Variants in GFUS observed in about 807,000 individuals in gnomAD.
GFUS encodes the protein GDP-L-fucose synthase, also known as 3-5 epimerase/4-reductase.
Under a neutral mutation model 41.5 loss-of-function variants are expected in GFUS, and 42 were observed. The ratio of observed to expected loss-of-function variants is 1.01; its 90% confidence interval spans 0.79 to 1.31. The LOEUF (loss-of-function observed/expected upper bound fraction) is 1.31. Among genes scored for constraint, GFUS ranks in the 50% most tolerant of loss-of-function variants. The pLI is 0.00. For missense variants in GFUS, 437 were observed against 428.7 expected (o/e 1.02, Z -0.17); for synonymous variants, 188 against 173.4 (o/e 1.08, Z -0.66).
intron 1 of GFUS, 92 bp from the exon 2 acceptor site, chr8:143,616,815 T>G: frequency 6.7e-7 from 1 of 1,501,496 alleles, no homozygotes; most frequent in Non-Finnish European, 9.1e-7. Context: ...AGTGAGGCCC[T>G]CAGAGTGGGG....
chr8:143,614,042 G>T, intron 7 of GFUS, 122 bp downstream of exon 7: 1 of 1,391,770 alleles, frequency 7.2e-7, no homozygotes, highest in Non-Finnish European at 9.8e-7. Flanking sequence ...TTGGAGCTCA[G>T]CCCAGATTCT....
Position 143,613,209 on chromosome 8 carries a change from T to C in GFUS, c.897A>G (p.Thr299=). The stretch of plus-strand genomic sequence containing the variant: ...GTCAGGGCTCACCCTGCTTGAAGGG[T>C]GTGAACCGGAAGTCGGGCAGGTAGG... ...LRTYLPDFRF[T]PFKQAVKETC... is the part of the protein sequence containing the mutation. Residue 299 remains threonine, a synonymous_variant, in exon 10 of 11, where the codon ACA becomes ACG. Transcript: ENST00000425753. The C allele has an allele frequency of 6.2e-7, 1 of 1,613,788 alleles. No homozygotes were observed. Among genetic ancestry groups the C allele is most frequent in the Non-Finnish European group, 8.5e-7 (1 of 1,179,890 alleles).
Position 143,613,247 on chromosome 8 carries a change from T to C in GFUS, c.859A>G (p.Ser287Gly). Residue 287 changes from serine to glycine, a missense_variant, in exon 10 of 11, where the codon AGC becomes GGC. Transcript: ENST00000425753. ...DGQFKKTASN[S>G]KLRTYLPDFR... Reference sequence around the variant, plus strand: ...TCGGGCAGGTAGGTCCTCAGCTTGCTGTTACTGGCTGTCTTCTTAAACTGC... The same window carrying C: ...TCGGGCAGGTAGGTCCTCAGCTTGCCGTTACTGGCTGTCTTCTTAAACTGC... 2 of 1,614,096 alleles carry C rather than the reference T, an allele frequency of 1.2e-6. No individual in the cohort carries two copies. The highest frequency in any genetic ancestry group is 1.1e-5 in the South Asian group (1 of 91,086).
Position 143,612,815 on chromosome 8 carries a change from G to A in GFUS, c.*95C>T. 6.9e-7 allele frequency: 1 copy of A among 1,456,112 alleles called. No individual in the cohort carries two copies. The highest frequency in any genetic ancestry group is 9.3e-7 in the Non-Finnish European group (1 of 1,073,112). 90.2% of individuals were successfully genotyped at this position (1,456,112 alleles called of 1,614,324 possible). A position where few individuals can be genotyped will look rare whatever the true frequency, so the allele number is the denominator to read the frequency against. ...GGATGGAATGCAGGCCCAGGTTGCT[G>A]GGTGGTGCCCTCAGCTCCTGGCAGG... On this transcript the variant is annotated 3_prime_UTR_variant, in exon 11 of 11. Coordinates refer to ENST00000425753, the MANE Select transcript of GFUS (RefSeq NM_003313.4).
At chr8:143,614,030 T>C (rs1829650827) in intron 7 of GFUS, 134 bp downstream of exon 7, 1 of 1,308,018 alleles carries the variant, frequency 7.6e-7, no homozygotes. Context: ...AGATGGCTCC[T>C]CTTGGAGCTC....
In GFUS at chr8:143,614,776, C is replaced by T; in HGVS notation, c.390+11G>A. 1.2e-6 allele frequency: 2 copies of T among 1,613,548 alleles called. No homozygotes were observed. The highest frequency in any genetic ancestry group is 2.2e-5 in the South Asian group (2 of 91,088). The stretch of plus-strand genomic sequence containing the variant: ...CCCCGGCCCCACCCACAGCCAGGCC[C>T]TGCCCCTCACCATGGTCTCATCTAT... On this transcript the variant is annotated intron_variant, in intron 4 of 10. Transcript: ENST00000425753.
At position 143,612,775 on chromosome 8, in the gene GFUS, T is replaced by C. The variant is rs1270598999; in HGVS notation, c.*135A>G. ...AATGGGGGCCCCACTGGAAAGATGCTTGGGGCTGCAGAGCGGATGGAATGC... is the reference window on the plus strand; with the variant it reads ...AATGGGGGCCCCACTGGAAAGATGCCTGGGGCTGCAGAGCGGATGGAATGC... On this transcript the variant is annotated 3_prime_UTR_variant, in exon 11 of 11. Coordinates refer to ENST00000425753, the MANE Select transcript of GFUS (RefSeq NM_003313.4). 4 of 1,138,886 alleles carry C rather than the reference T, an allele frequency of 3.5e-6. No individual in the cohort carries two copies. Among genetic ancestry groups the C allele is most frequent in the Non-Finnish European group, 3.7e-6 (3 of 802,148 alleles). The allele number at this position is 1,138,886 out of a possible 1,614,324, so 70.5% of individuals were successfully genotyped here.
At chr8:143,617,732 T>C (rs1016343173), upstream of GFUS, among the ~76,000 whole-genome samples, 1 of 151,740 alleles carries the variant, frequency 6.6e-6, no homozygotes, top group Non-Finnish European at 1.5e-5. Context: ...GCAACCTCTT[T>C]AGCCCGCGGG....
chr8:143,616,517 T>G lies in GFUS; in HGVS notation c.146+50A>C, dbSNP rs1563688462. 1.9e-6 allele frequency: 3 copies of G among 1,611,856 alleles called. No individual in the cohort carries two copies. In the East Asian group the frequency reaches 6.7e-5, roughly 36 times the overall value. ...CAGCCTGGAACTCTTAGTTCTAGGGTGGGGGGTAGGATGGAGAGGAAGGGC... is the reference window on the plus strand; with the variant it reads ...CAGCCTGGAACTCTTAGTTCTAGGGGGGGGGGTAGGATGGAGAGGAAGGGC... On this transcript the variant is annotated intron_variant, in intron 2 of 10. Transcript: ENST00000425753.
At chr8:143,614,975 C>T (rs1292989213) in intron 3 of GFUS, 60 bp from the exon 4 acceptor site, 1 of 1,542,606 alleles carries the variant, frequency 6.5e-7, no homozygotes, top group East Asian at 2.3e-5. Context: ...CCCTTACCTG[C>T]TCCTCCAGAC....
chr8:143,615,031 A>T, intron 3 of GFUS, 116 bp from the exon 4 acceptor site: 2 of 1,456,060 alleles, frequency 1.4e-6, no homozygotes, highest in South Asian at 2.8e-5. Context: ...GGGAGGACCC[A>T]AGCCTGCCCA....
chr8:143,614,725 C>T lies in GFUS; in HGVS notation c.391-28G>A, dbSNP rs1455562875. On this transcript the variant is annotated intron_variant, in intron 4 of 10. Transcript: ENST00000425753. ...GCGGGCGTGGGAGAGGCAGAGGCCGCTACTTCCTGGCCCTGCCCACCGGCT... is the reference window on the plus strand; with the variant it reads ...GCGGGCGTGGGAGAGGCAGAGGCCGTTACTTCCTGGCCCTGCCCACCGGCT... 6.2e-6 allele frequency: 10 copies of T among 1,613,008 alleles called. No individual in the cohort carries two copies. The African/African-American group carries it at 1.3e-4, about 22-fold the overall frequency.
At chr8:143,614,276 C>T (rs1483839511) in intron 6 of GFUS, 44 bp downstream of exon 6, 1 of 1,613,568 alleles carries the variant, frequency 6.2e-7, no homozygotes, top group Non-Finnish European at 8.5e-7. Flanking sequence ...GGGTCACCTC[C>T]TCCCGAGCTG....
At chr8:143,616,474 T>TA (rs1449503325) in intron 2 of GFUS, 93 bp downstream of exon 2, 1 of 1,584,312 alleles carries the variant, frequency 6.3e-7, no homozygotes, top group East Asian at 2.2e-5. Context: ...CAGCTACTGT[T>TA]AGACTCAGCA....
Position 143,616,142 on chromosome 8 carries a change from GC to G in GFUS, c.224del (p.Gly75AlafsTer19), listed in dbSNP as rs768502029. The G allele has an allele frequency of 6.2e-7, 1 of 1,611,400 alleles. No homozygotes were observed. Among genetic ancestry groups the G allele is most frequent in the Admixed American group, 1.7e-5 (1 of 59,714 alleles). Reference protein sequence around the residue: ...HVIHLAAMVGGLFRNIKYNLD... With the variant: ...HVIHLAAMVGXLFRNIKYNLD... The stretch of plus-strand genomic sequence containing the variant: ...AATTGTATTTGATATTCCGGAACAG[GC>G]CCCCCACCATTGCAGCAAGATGGAT... On this transcript the variant is annotated frameshift_variant, in exon 3 of 11. Coordinates refer to ENST00000425753, the MANE Select transcript of GFUS (RefSeq NM_003313.4). LOFTEE classifies it high-confidence loss of function.
rs1178176431 is a variant in GFUS, at chr8:143,614,202, C to T, written c.625G>A (p.Gly209Ser). 5 of 1,613,462 alleles carry T rather than the reference C, an allele frequency of 3.1e-6. No individual in the cohort carries two copies. The highest frequency in any genetic ancestry group is 4.2e-6 in the Non-Finnish European group (5 of 1,180,026). The stretch of plus-strand genomic sequence containing the variant: ...AACTGCCTCCGCGGATTCCCTGTAC[C>T]CCACACCGTCAGGGCCGAGCCGCTG... Reference protein sequence around the residue: ...KSSGSALTVWGTGNPRRQFIY... With the variant: ...KSSGSALTVWSTGNPRRQFIY... Residue 209 changes from glycine to serine, a missense_variant, in exon 7 of 11, where the codon GGT (glycine) becomes AGT (serine). Coordinates refer to ENST00000425753, the MANE Select transcript of GFUS (RefSeq NM_003313.4).
rs148674156 is a variant in GFUS at position 143,616,127 on chromosome 8, G to A, written c.240C>T (p.Ile80=). Residue 80 remains isoleucine (I), a synonymous_variant, in exon 3 of 11, where the codon ATC becomes ATT. Transcript: ENST00000425753. ...AAMVGGLFRN[I]KYNLDFWRKN... ...TTACCCAGAAGTCCAAATTGTATTT[G>A]ATATTCCGGAACAGGCCCCCCACCA... 1.1e-5 allele frequency: 18 copies of A among 1,605,208 alleles called. No individual in the cohort carries two copies. The highest frequency in any genetic ancestry group is 1.7e-5 in the Admixed American group (1 of 59,042).
intron 2 of GFUS, 168 bp from the exon 3 acceptor site, chr8:143,616,388 G>A (rs763268989): frequency 4.3e-6 from 5 of 1,168,630 alleles, no homozygotes; most frequent in East Asian, 2.4e-5. Context: ...GAGATGGGAG[G>A]GTGTTTGTTT....
Position 143,614,809 on chromosome 8 carries a change from G to C in GFUS, c.368C>G (p.Thr123Ser). The change falls in exon 4 of 11, where the codon ACC (threonine) becomes AGC (serine). Residue 123 changes from threonine (T) to serine (S), a missense_variant. Transcript: ENST00000425753. ...CACCATGGTCTCATCTATCGGGTAG[G>C]TCGTCTTGTCAGGGAAGATACAGGT... ...LSTCIFPDKT[T>S]YPIDETMIHN... 1.2e-6 allele frequency: 2 copies of C among 1,613,746 alleles called. No homozygotes were observed. The highest frequency in any genetic ancestry group is 1.7e-6 in the Non-Finnish European group (2 of 1,180,008).
Sources: allele counts gnomAD v4.1 joint callset (sites outside exome capture counted in the v4.1 genomes callset), GRCh38; gene constraint gnomAD v4.1.1; transcripts MANE v1.5; gene names NCBI Gene and HGNC (gene_info 2026-07-23, HGNC 2026-07-21).